Variants in PRKG1 observed in about 807,000 individuals in gnomAD.
PRKG1 encodes cGMP-dependent protein kinase 1.
PRKG1 carries 35 observed loss-of-function variants against 88.1 expected under a neutral mutation model. The ratio of observed to expected loss-of-function variants is 0.40; its 90% CI spans 0.30 to 0.53. PRKG1 has a LOEUF of 0.53. Among genes scored for constraint, PRKG1 ranks in the 20% least tolerant of loss-of-function variants. The probability of loss-of-function intolerance (pLI) is 0.59; values close to 1 mark genes in which losing one functional copy is unlikely to be tolerated. For synonymous variants in PRKG1, 303 were observed against 292.5 expected, an observed-to-expected ratio of 1.04 and a Z score of -0.37; for missense variants, 540 against 839.8, an observed-to-expected ratio of 0.64 and a Z score of 4.41.
At chr10:51,050,606 T>A (rs1399354260) in intron 1 of PRKG1, among the ~76,000 whole-genome samples, 1 of 152,222 alleles carries the variant, frequency 6.6e-6, no homozygotes, top group African/African-American at 2.4e-5. Flanking sequence ...TTGTAAATAA[T>A]GCTGCAATAA....
In PRKG1 at chr10:51,467,817, C is replaced by A. The variant is rs1025695553; in HGVS notation, c.573C>A (p.Thr191=). 4.3e-6 allele frequency: 7 copies of A among 1,612,212 alleles called. No homozygotes were observed. Among genetic ancestry groups the A allele is most frequent in the Non-Finnish European group, 5.9e-6 (7 of 1,178,424 alleles). ...AATTGGCTATTCTTTACAACTGTAC[C>A]CGGACAGCGACCGTCAAGAGTAAGA... ...FGELAILYNC[T]RTATVKTLVN... The change falls in exon 3 of 18, where the codon ACC becomes ACA. Residue 191 remains threonine (T), a synonymous_variant. Transcript: ENST00000373980.
intron 2 of PRKG1, chr10:51,299,660 C>A (rs761104387): frequency 4.4e-6 from 2 of 457,092 alleles, no homozygotes; most frequent in South Asian, 3.1e-5. Flanking sequence ...GTTAGGACTG[C>A]AGATACAGGT....
At chr10:51,666,479 G>A (rs767992978) in intron 3 of PRKG1, among the ~76,000 whole-genome samples, 13 of 152,150 alleles carry the variant, frequency 8.5e-5, no homozygotes, top group Non-Finnish European at 1.6e-4. Context: ...TAAACAAGTG[G>A]CCTTTTCCTT....
In PRKG1 at chr10:51,934,598, G is replaced by A. The variant is rs138283040; in HGVS notation, c.762+27028G>A. Among the ~76,000 whole-genome samples the A allele has an allele frequency of 7.0e-4, 107 of 152,266 alleles. No individual in the cohort carries two copies. In the East Asian group the frequency reaches 0.016, roughly 23 times the overall value. On this transcript the variant is annotated intron_variant, in intron 5 of 17. Coordinates refer to ENST00000373980, the MANE Select transcript of PRKG1 (RefSeq NM_006258.4). The stretch of plus-strand genomic sequence containing the variant: ...TTATTGTGGTCTCTCAGGGACCAAG[G>A]CTGACATGGTTTCCGTTGACCTCTG...
Position 51,578,980 on chromosome 10 carries a change from G to GTTT in PRKG1, c.592+111170_592+111172dup, listed in dbSNP as rs752412264. On this transcript the variant is annotated intron_variant, in intron 3 of 17. Transcript: ENST00000373980. ...GAAGAGTTTGGAATAAGTTCTGTTG[G>GTTT]TTTTTTTTTTTTTTTTTTTTTTTTT... Among the ~76,000 whole-genome samples, 34 of 77,830 alleles carry GTTT rather than the reference G, an allele frequency of 4.4e-4. 3 individuals are homozygous for GTTT. The highest frequency in any genetic ancestry group is 8.5e-4 in the African/African-American group (16 of 18,900). 51.1% of individuals were successfully genotyped at this position (77,830 alleles called of 152,430 possible). A position where few individuals can be genotyped will look rare whatever the true frequency, so the allele number is the denominator to read the frequency against.
chr10:51,181,528 A>G (rs1263313386), intron 2 of PRKG1, among the ~76,000 whole-genome samples: 6 of 152,242 alleles, frequency 3.9e-5, no homozygotes, highest in Middle Eastern at 6.8e-3. Context: ...GGCGTGAGCC[A>G]CCGCGCCCGG....
In PRKG1 at chr10:51,213,870, G is replaced by A. The variant is rs543133182; in HGVS notation, c.478+60540G>A. Among the ~76,000 whole-genome samples the A allele has an allele frequency of 1.3e-4, 20 of 152,138 alleles. No individual in the cohort carries two copies. In the South Asian group the frequency reaches 4.1e-3, roughly 32 times the overall value. ...CAGAATGGGAAGTTGTTTTATTCAT[G>A]TGTTATTTGATGAGATATTTCTAGC... On this transcript the variant is annotated intron_variant, in intron 2 of 17. Coordinates refer to ENST00000373980, the MANE Select transcript of PRKG1 (RefSeq NM_006258.4).
chr10:51,003,165 AAACAACAACAACAACAACAACAACAAC>A (rs67761270), intron 1 of PRKG1, among the ~76,000 whole-genome samples: 3 of 150,952 alleles, frequency 2.0e-5, no homozygotes, highest in African/African-American at 7.3e-5. Flanking sequence ...TGCAGGGCCA[AAACAACAACAACAACAACAACAACAAC>A]AACAACAACA....
At chr10:51,771,195 T>G (rs138003517) in intron 3 of PRKG1, among the ~76,000 whole-genome samples, 23 of 152,298 alleles carry the variant, frequency 1.5e-4, no homozygotes, top group Non-Finnish European at 2.8e-4. Flanking sequence ...AATCAATGTA[T>G]CTAAAGCTAG....
At chr10:52,185,206 G>T (rs1418393890) in intron 9 of PRKG1, 1 of 152,182 alleles carries the variant, frequency 6.6e-6, no homozygotes, top group Non-Finnish European at 1.5e-5. Flanking sequence ...ATACAATGGT[G>T]GTATAAGCAT....
chr10:51,595,835 T>A (rs1368555655), intron 3 of PRKG1, among the ~76,000 whole-genome samples: 1 of 151,946 alleles, frequency 6.6e-6, no homozygotes, highest in Non-Finnish European at 1.5e-5. Flanking sequence ...ATTTTTGTTT[T>A]GTTTTGTTTT....
At chr10:51,349,638 C>T (rs1015759898) in intron 2 of PRKG1, among the ~76,000 whole-genome samples, 4 of 151,772 alleles carry the variant, frequency 2.6e-5, no homozygotes, top group African/African-American at 9.7e-5. Flanking sequence ...TCCCAAATAG[C>T]TGGGACTACA....
intron 3 of PRKG1, among the ~76,000 whole-genome samples, chr10:51,474,423 C>G (rs1588994359): frequency 6.6e-6 from 1 of 152,032 alleles, no homozygotes; most frequent in Admixed American, 6.6e-5. Context: ...GCACTTGGAC[C>G]CATGTTAAGT....
chr10:51,544,454 A>G (rs531785664), intron 3 of PRKG1, among the ~76,000 whole-genome samples: 2 of 151,970 alleles, frequency 1.3e-5, no homozygotes, highest in African/African-American at 4.8e-5. Context: ...CCAGTCTATC[A>G]TTGATGGACA....
intron 3 of PRKG1, among the ~76,000 whole-genome samples, chr10:51,505,403 G>A (rs899091594): frequency 6.6e-6 from 1 of 152,162 alleles, no homozygotes; most frequent in African/African-American, 2.4e-5. Flanking sequence ...TTGCATCGAT[G>A]TTCATCAAGG....
chr10:51,705,409 T>G (rs1007047460), intron 3 of PRKG1, among the ~76,000 whole-genome samples: 1 of 152,216 alleles, frequency 6.6e-6, no homozygotes, highest in Non-Finnish European at 1.5e-5. Flanking sequence ...AATAACAAAA[T>G]ATAGATGTTA....
intron 5 of PRKG1, among the ~76,000 whole-genome samples, chr10:52,037,305 A>T (rs1250875980): frequency 3.9e-5 from 6 of 152,090 alleles, no homozygotes; most frequent in Non-Finnish European, 7.4e-5. Context: ...TGTGCTGGAG[A>T]TGTGGCTGGG....
chr10:51,262,946 T>C (rs1839750966), intron 2 of PRKG1, among the ~76,000 whole-genome samples: 1 of 152,180 alleles, frequency 6.6e-6, no homozygotes, highest in Non-Finnish European at 1.5e-5. Context: ...GACACAGAAC[T>C]AAACTCTATC....
chr10:52,148,957 CTT>C (rs71904885), intron 8 of PRKG1, among the ~76,000 whole-genome samples: 1,884 of 55,098 alleles, frequency 0.034, 63 homozygotes, highest in African/African-American at 0.13. Context: ...GATAGTTTTG[CTT>C]TTTTTTTTTT....
Sources: gnomAD v4.1 joint callset for allele counts (sites outside exome capture counted in the v4.1 genomes callset) on GRCh38, gnomAD v4.1.1 for gene constraint, MANE v1.5 for transcripts, NCBI Gene and HGNC (gene_info 2026-07-23, HGNC 2026-07-21) for gene names.